The following ZFAT variants were observed in gnomAD, a reference collection of about 807,000 sequenced individuals.
The protein encoded by ZFAT is zinc finger protein ZFAT.
In ZFAT, 64 loss-of-function variants were observed where a neutral mutation model predicts 117.7. That is an observed-to-expected ratio of 0.54 (90% CI 0.44 to 0.67). ZFAT has a LOEUF of 0.67. Among genes scored for constraint, ZFAT ranks in the 30% least tolerant of loss-of-function variants. The pLI is 0.00. For missense variants in ZFAT, 1,433 were observed against 1,584.5 expected, an observed-to-expected ratio of 0.90 and a Z score of 1.62; for synonymous variants, 679 against 615.0, an observed-to-expected ratio of 1.10 and a Z score of -1.54.
At chr8:134,719,687 G>GA in the ZFAT span, among the ~76,000 whole-genome samples, 1 of 152,106 alleles carries the variant, frequency 6.6e-6, no homozygotes, top group Non-Finnish European at 1.5e-5. Flanking sequence ...AACAGAGGCA[G>GA]AAAAAAAGCC....
At chr8:134,557,610 A>T (rs1823744676) in intron 11 of ZFAT, among the ~76,000 whole-genome samples, 1 of 152,216 alleles carries the variant, frequency 6.6e-6, no homozygotes, top group African/African-American at 2.4e-5. Flanking sequence ...AACTGTTCTA[A>T]AATAAAAAGT....
At position 134,601,832 on chromosome 8, in the gene ZFAT, T is replaced by C. The variant is rs912027961; in HGVS notation, c.1887A>G (p.Glu629=). The C allele has an allele frequency of 1.2e-6, 2 of 1,613,294 alleles. No homozygotes were observed. The highest frequency in any genetic ancestry group is 2.2e-5 in the East Asian group (1 of 44,860). The change falls in exon 6 of 16, where the codon GAA becomes GAG. Residue 629 remains glutamate, a synonymous_variant. Coordinates refer to ENST00000377838, the MANE Select transcript of ZFAT (RefSeq NM_020863.4). The stretch of plus-strand genomic sequence containing the variant: ...CCTTGGACAGCAGTAGTGTGATCAC[T>C]TCACCTTGCGTCTGGACTGAGCTTC... ...QHRSSVQTQG[E]VITLLLSKAQ... is the part of the protein sequence containing the mutation.
intron 2 of ZFAT, among the ~76,000 whole-genome samples, chr8:134,641,134 T>G (rs546516277): frequency 6.6e-6 from 1 of 152,152 alleles, no homozygotes; most frequent in Admixed American, 6.5e-5. Flanking sequence ...TCCCTCACTC[T>G]AGAACCTTCC....
chr8:134,755,172 G>A, the ZFAT span, among the ~76,000 whole-genome samples: 2 of 151,876 alleles, frequency 1.3e-5, no homozygotes, highest in East Asian at 3.9e-4. Context: ...GGGAGGCCGA[G>A]GCAGGCGGAT....
rs201828593 is a variant in ZFAT, at chr8:134,610,589, C to G, written c.515G>C (p.Arg172Thr). Residue 172 changes from arginine (R) to threonine (T), a missense_variant, in exon 4 of 16, where the codon AGA becomes ACA. By Grantham distance (71) the Arg-to-Thr change is moderately conservative. This residue lies in a region of ZFAT where 436 missense variants were observed against 482.0 expected (regional missense o/e 0.90). Coordinates refer to ENST00000377838, the MANE Select transcript of ZFAT (RefSeq NM_020863.4). Reference protein sequence around the residue: ...KEDDREKASKRPRSQKTEKVQ... With the variant: ...KEDDREKASKTPRSQKTEKVQ... The stretch of plus-strand genomic sequence containing the variant: ...TTTCTCTGTTTTCTGTGACCGTGGT[C>G]TTTTCGAGGCTTTTTCCCGATCATC... 533 of 1,614,102 alleles carry G rather than the reference C, an allele frequency of 3.3e-4. No homozygotes were observed. Among genetic ancestry groups the G allele is most frequent in the Non-Finnish European group, 4.3e-4 (507 of 1,180,054 alleles).
At chr8:134,716,730 A>G (rs1167024436), upstream of ZFAT, among the ~76,000 whole-genome samples, 9 of 152,246 alleles carry the variant, frequency 5.9e-5, no homozygotes, top group Non-Finnish European at 8.8e-5. Context: ...TTGAGCCATG[A>G]GGCTTTACTG....
At position 134,478,517 on chromosome 8, in the gene ZFAT, C is replaced by A; in HGVS notation, c.3697G>T (p.Glu1233Ter). 1 of 1,584,682 alleles carries A rather than the reference C, an allele frequency of 6.3e-7. No individual in the cohort carries two copies. The highest frequency in any genetic ancestry group is 1.2e-5 in the South Asian group (1 of 86,488). The part of the protein sequence containing the change: ...YVQEAMQPVE[E>*]QAVEQPAQEL ...TGGGCCGGCTGCTCCACAGCCTGCT[C>A]CTCCACAGGCTGCATGGCCTCCTGC... Residue 1233 changes from glutamate to a stop codon, truncating the protein, a stop_gained, in exon 16 of 16, where the codon GAG becomes TAG. Coordinates refer to ENST00000377838, the MANE Select transcript of ZFAT (RefSeq NM_020863.4). LOFTEE classifies it high-confidence loss of function. The surrounding 1 kb of genome is among the most constrained non-coding windows in gnomAD (Gnocchi z 5.2).
At chr8:134,545,563 T>TA (rs1201167053) in intron 11 of ZFAT, among the ~76,000 whole-genome samples, 2 of 152,084 alleles carry the variant, frequency 1.3e-5, no homozygotes, top group Non-Finnish European at 2.9e-5. Flanking sequence ...TATAATGAAA[T>TA]AAAAAAGTAT....
At chr8:134,716,570 G>T (rs1308420008), upstream of ZFAT, among the ~76,000 whole-genome samples, 2 of 152,090 alleles carry the variant, frequency 1.3e-5, no homozygotes, top group Admixed American at 1.3e-4. Context: ...TGGGAGTAAG[G>T]GAACATCAGA....
At chr8:134,782,701 T>C in the ZFAT span, among the ~76,000 whole-genome samples, 23 of 152,240 alleles carry the variant, frequency 1.5e-4, no homozygotes, top group Non-Finnish European at 2.9e-4. Context: ...TCTTGTCTGC[T>C]GCCATGCAAG....
At chr8:134,807,190 T>C in the ZFAT span, among the ~76,000 whole-genome samples, 2 of 152,362 alleles carry the variant, frequency 1.3e-5, no homozygotes, top group Admixed American at 1.3e-4. Context: ...AATATCCATA[T>C]ATAATGTATG....
chr8:134,832,002 G>A, the ZFAT span, among the ~76,000 whole-genome samples: 2 of 148,712 alleles, frequency 1.3e-5, no homozygotes, highest in East Asian at 2.1e-4. Flanking sequence ...GTCGGGGGTC[G>A]GGCGAGGAGG....
chr8:134,625,195 T>C (rs1829415726), intron 3 of ZFAT, among the ~76,000 whole-genome samples: 1 of 152,252 alleles, frequency 6.6e-6, no homozygotes, highest in African/African-American at 2.4e-5. Flanking sequence ...GGCAGGCACC[T>C]GCTTCCAGCA....
chr8:134,640,223 CA>C (rs377294398), intron 2 of ZFAT, among the ~76,000 whole-genome samples: 1 of 152,186 alleles, frequency 6.6e-6, no homozygotes, highest in African/African-American at 2.4e-5. Context: ...AGCAAATTAT[CA>C]AAGCTGAGAG....
intron 1 of ZFAT, among the ~76,000 whole-genome samples, chr8:134,690,211 C>T (rs984973640): frequency 6.6e-6 from 1 of 152,146 alleles, no homozygotes; most frequent in African/African-American, 2.4e-5. Flanking sequence ...TGACCTCCAG[C>T]GGGGTAGGAG....
intron 1 of ZFAT, among the ~76,000 whole-genome samples, chr8:134,697,659 G>A (rs1321216584): frequency 6.6e-6 from 1 of 151,052 alleles, no homozygotes; most frequent in Non-Finnish European, 1.5e-5. Flanking sequence ...CCCGGAAGGC[G>A]GAGCTTGCAG....
At chr8:134,728,081 T>C in the ZFAT span, among the ~76,000 whole-genome samples, 1 of 152,164 alleles carries the variant, frequency 6.6e-6, no homozygotes. Flanking sequence ...ATACCTCACC[T>C]GGATATACTA....
At chr8:134,669,384 T>C (rs1832432990) in intron 1 of ZFAT, among the ~76,000 whole-genome samples, 1 of 152,116 alleles carries the variant, frequency 6.6e-6, no homozygotes, top group Non-Finnish European at 1.5e-5. Flanking sequence ...GGGAAGCCCA[T>C]CTGACTAACA....
chr8:134,537,523 G>A (rs1821929607), intron 11 of ZFAT, among the ~76,000 whole-genome samples: 1 of 152,214 alleles, frequency 6.6e-6, no homozygotes, highest in Non-Finnish European at 1.5e-5. Flanking sequence ...CAGGGACTTG[G>A]CAGGGGAGAA....
Sources: gnomAD v4.1 joint callset for allele counts (sites outside exome capture counted in the v4.1 genomes callset) on GRCh38, gnomAD v4.1.1 for gene constraint, gnomAD v4.1.1 regional missense constraint, Gnocchi (gnomAD v3.1) non-coding constraint, MANE v1.5 for transcripts, NCBI Gene and HGNC (gene_info 2026-07-23, HGNC 2026-07-21) for gene names.